The following ZNF695 variants were observed in gnomAD, a reference collection of about 807,000 sequenced individuals.
ZNF695 encodes the protein zinc finger protein SBZF3.
ZNF695 carries 11 observed loss-of-function variants against 11.2 expected under a neutral mutation model. That is an observed-to-expected ratio of 0.98 (90% CI 0.62 to 1.62). The LOEUF (loss-of-function observed/expected upper bound fraction) is 1.62, where lower values mean the gene tolerates loss of function less well. ZNF695 is among the 40% of genes most tolerant of loss of function. The pLI, the probability that ZNF695 is intolerant of heterozygous loss-of-function variation, is 0.00. For synonymous variants in ZNF695, 190 were observed against 201.4 expected (o/e 0.94, Z 0.48); for missense variants, 559 against 590.5 (o/e 0.95, Z 0.55).
At chr1:246,963,257 G>C (rs922027253) in intron 5 of ZNF695, among the ~76,000 whole-genome samples, 7 of 152,136 alleles carry the variant, frequency 4.6e-5, no homozygotes, top group African/African-American at 1.4e-4. Context: ...CTGTGTGCCA[G>C]CCACTAATCT....
At chr1:246,976,561 A>G (rs58075263) in intron 4 of ZNF695, among the ~76,000 whole-genome samples, 38,296 of 150,754 alleles carry the variant, frequency 0.25, 6,973 homozygotes, top group African/African-American at 0.51. Context: ...TTGGGAGGCC[A>G]AGGCGGGCAG....
chr1:246,952,673 G>T (rs1018575987), intron 5 of ZNF695, among the ~76,000 whole-genome samples: 2 of 151,384 alleles, frequency 1.3e-5, no homozygotes, highest in African/African-American at 4.9e-5. Flanking sequence ...CAGCCTCCTG[G>T]GTAGCTGGGA....
At chr1:246,990,207 GAGAA>G (rs755947603) in intron 3 of ZNF695, among the ~76,000 whole-genome samples, 33 of 151,226 alleles carry the variant, frequency 2.2e-4, no homozygotes, top group Admixed American at 6.0e-4. Flanking sequence ...GAAAGAGAGA[GAGAA>G]AGAAAGACAC....
Position 246,987,853 on chromosome 1 carries a change from A to C in ZNF695, c.662T>G (p.Phe221Cys). 3 of 1,610,558 alleles carry C rather than the reference A, an allele frequency of 1.9e-6. No homozygotes were observed. The highest frequency in any genetic ancestry group is 2.5e-6 in the Non-Finnish European group (3 of 1,179,032). Reference protein sequence around the residue: ...PYQCKKCGKAFNECSCFTDCK... With the variant: ...PYQCKKCGKACNECSCFTDCK... ...GTCAGTAAAGCATGAGCACTCATTAAAGGCTTTGCCACATTTTTTACATTG... is the reference window on the plus strand; with the variant it reads ...GTCAGTAAAGCATGAGCACTCATTACAGGCTTTGCCACATTTTTTACATTG... The change falls in exon 4 of 4, where the codon TTT (phenylalanine) becomes TGT (cysteine). Residue 221 changes from phenylalanine to cysteine, a missense_variant. Transcript: ENST00000339986.
Position 246,999,827 on chromosome 1 carries a change from C to CT in ZNF695, c.166+84dup. The CT allele has an allele frequency of 1.1e-5, 15 of 1,392,084 alleles. 2 individuals are homozygous for CT. In the South Asian group the frequency reaches 1.9e-4, roughly 18 times the overall value. The allele number at this position is 1,392,084 out of a possible 1,614,324, so 86.2% of individuals were successfully genotyped here. On this transcript the variant is annotated intron_variant, in intron 2 of 3. Transcript: ENST00000339986. ...TACACCAAGAAATCCCCAAGGTTTT[C>CT]TTGAAAGCAGTGATGTGAAACTCAT...
chr1:246,959,106 CAAGA>C (rs775925992), intron 5 of ZNF695, among the ~76,000 whole-genome samples: 37 of 150,462 alleles, frequency 2.5e-4, no homozygotes, highest in Non-Finnish European at 1.0e-4. Context: ...GGCAACATAG[CAAGA>C]CCCTGTCTCT....
At chr1:246,947,503 G>A (rs1459967044) in intron 5 of ZNF695, among the ~76,000 whole-genome samples, 9 of 152,036 alleles carry the variant, frequency 5.9e-5, no homozygotes, top group Non-Finnish European at 1.0e-4. Context: ...TTCCTTTCCC[G>A]CACTACTGCC....
intron 5 of ZNF695, among the ~76,000 whole-genome samples, chr1:246,963,496 A>G (rs1245309025): frequency 1.3e-5 from 2 of 152,182 alleles, no homozygotes; most frequent in Admixed American, 6.5e-5. Flanking sequence ...AGTGGTGGTG[A>G]TGGTGGTGGG....
intron 4 of ZNF695, among the ~76,000 whole-genome samples, chr1:246,974,153 C>CA (rs36072925): frequency 0.12 from 17,821 of 143,220 alleles, 1,137 homozygotes; most frequent in Middle Eastern, 0.17. Flanking sequence ...AAAAAACAAA[C>CA]AAACAAACAA....
At chr1:246,947,576 A>G (rs568129861) in intron 5 of ZNF695, among the ~76,000 whole-genome samples, 21 of 152,176 alleles carry the variant, frequency 1.4e-4, no homozygotes, top group Non-Finnish European at 3.1e-4. Flanking sequence ...TTTGCTGATG[A>G]AGCGACAATC....
chr1:247,007,333 TA>T (rs1669567708), intron 1 of ZNF695, among the ~76,000 whole-genome samples: 1 of 151,480 alleles, frequency 6.6e-6, no homozygotes, highest in East Asian at 1.9e-4. Flanking sequence ...CCGTTTCTAA[TA>T]AAAATACAAA....
chr1:246,967,317 C>G (rs969195327), intron 5 of ZNF695: 1 of 455,440 alleles, frequency 2.2e-6, no homozygotes, highest in Non-Finnish European at 4.4e-6. Flanking sequence ...AGGGTAGAGG[C>G]AAGGACAGCT....
Position 246,985,755 on chromosome 1 carries a change from C to T in ZNF695, c.*1212G>A, listed in dbSNP as rs900924835. 2.0e-6 allele frequency: 2 copies of T among 985,220 alleles called. No homozygotes were observed. The highest frequency in any genetic ancestry group is 1.2e-6 in the Non-Finnish European group (1 of 829,896). 61.0% of individuals were successfully genotyped at this position (985,220 alleles called of 1,614,324 possible). On this transcript the variant is annotated 3_prime_UTR_variant, in exon 4 of 4. Coordinates refer to ENST00000339986, the MANE Select transcript of ZNF695 (RefSeq NM_020394.5). ...TTCTTAAATATAATGCAGAATAGTA[C>T]TCTGAAGACCTATCTCATGAATCAC...
intron 3 of ZNF695, among the ~76,000 whole-genome samples, chr1:246,994,665 A>G (rs553572710): frequency 6.6e-6 from 1 of 151,122 alleles, no homozygotes; most frequent in South Asian, 2.1e-4. Context: ...GTGAAACCCC[A>G]TCTCTACTAA....
chr1:246,986,844 T>C lies in ZNF695; in HGVS notation c.*123A>G. ...TTAGTGCACTCAAAGGCTCATAGAC[T>C]GTAAATGGCCTTTTGACAGTCATTA... On this transcript the variant is annotated 3_prime_UTR_variant, in exon 4 of 4. Coordinates refer to ENST00000339986, the MANE Select transcript of ZNF695 (RefSeq NM_020394.5). 6.9e-7 allele frequency: 1 copy of C among 1,442,320 alleles called. No homozygotes were observed. The highest frequency in any genetic ancestry group is 2.4e-5 in the East Asian group (1 of 40,932). The allele number at this position is 1,442,320 out of a possible 1,614,324, so 89.3% of individuals were successfully genotyped here. A position where few individuals can be genotyped will look rare whatever the true frequency, so the allele number is the denominator to read the frequency against.
At chr1:246,958,896 G>A (rs1668076644) in intron 5 of ZNF695, among the ~76,000 whole-genome samples, 1 of 152,068 alleles carries the variant, frequency 6.6e-6, no homozygotes, top group African/African-American at 2.4e-5. Flanking sequence ...CACTCACGGG[G>A]AAGAAGAAGT....
In ZNF695 at chr1:246,987,914, G is replaced by C; in HGVS notation, c.601C>G (p.Gln201Glu). The C allele has an allele frequency of 1.9e-6, 3 of 1,610,598 alleles. No individual in the cohort carries two copies. The highest frequency in any genetic ancestry group is 2.5e-6 in the Non-Finnish European group (3 of 1,179,058). Reference protein sequence around the residue: ...NVSCMSLIMTQQQRIHIGENP... With the variant: ...NVSCMSLIMTEQQRIHIGENP... ...TCTCCAATATGGATTCTCTGCTGTT[G>C]AGTCATTATTAAAGACATGCAAGAG... is the stretch of plus-strand genomic sequence containing the variant. The change falls in exon 4 of 4, where the codon CAA becomes GAA. Residue 201 changes from glutamine (Q) to glutamate (E), a missense_variant. By Grantham distance (29) the Gln-to-Glu change is conservative (BLOSUM62 2). Coordinates refer to ENST00000339986, the MANE Select transcript of ZNF695 (RefSeq NM_020394.5).
At chr1:247,002,998 A>T (rs1669432827) in intron 1 of ZNF695, among the ~76,000 whole-genome samples, 1 of 152,232 alleles carries the variant, frequency 6.6e-6, no homozygotes, top group Non-Finnish European at 1.5e-5. Context: ...GAAACAAAGG[A>T]ATGCCTATAC....
At chr1:246,973,539 T>G (rs1482521480) in intron 4 of ZNF695, among the ~76,000 whole-genome samples, 7 of 152,226 alleles carry the variant, frequency 4.6e-5, no homozygotes, top group Admixed American at 4.6e-4. Context: ...TATGGTGATT[T>G]CATCTTTCTG....
Sources: allele counts gnomAD v4.1 joint callset (sites outside exome capture counted in the v4.1 genomes callset), GRCh38; gene constraint gnomAD v4.1.1; transcripts MANE v1.5; gene names NCBI Gene and HGNC (gene_info 2026-07-23, HGNC 2026-07-21).